C2orf92: variants seen among roughly 807,000 people sequenced by gnomAD.
C2orf92 encodes the protein chromosome 2 open reading frame 92.
At chr2:97,698,198 C>T (rs1289037230) in intron 5 of C2orf92, 1 of 152,218 alleles carries the variant, frequency 6.6e-6, no homozygotes, top group African/African-American at 2.4e-5. Context: ...CCCTGGAGCG[C>T]CTACCCATTG....
intron 5 of C2orf92, chr2:97,694,409 C>T (rs112704952): frequency 0.014 from 2,065 of 148,188 alleles, 14 homozygotes; most frequent in Non-Finnish European, 0.021. Flanking sequence ...CCACCACGCC[C>T]GGCTAATTTT....
intron 7 of C2orf92, chr2:97,702,064 C>CA (rs1163247456): frequency 6.6e-6 from 1 of 152,312 alleles, no homozygotes; most frequent in Non-Finnish European, 1.5e-5. Flanking sequence ...TCCCCAGGGA[C>CA]ATGTATTCCT....
chr2:97,668,078 G>C (rs1037359114), upstream of C2orf92: 5 of 152,308 alleles, frequency 3.3e-5, no homozygotes, highest in South Asian at 1.0e-3. Flanking sequence ...GCCCGGGTTA[G>C]CATTTATTTT....
At chr2:97,671,756 A>C (rs1675419715) in intron 1 of C2orf92, 3 of 344,456 alleles carry the variant, frequency 8.7e-6, no homozygotes, top group South Asian at 1.5e-4. Context: ...ATGCCACCTC[A>C]CACTAGCTGT....
chr2:97,665,624 A>C (rs536655039), upstream of C2orf92, among the ~76,000 whole-genome samples: 23 of 150,930 alleles, frequency 1.5e-4, no homozygotes, highest in Admixed American at 2.6e-4. Context: ...AGCATAACAA[A>C]ATTTAGTGCT....
chr2:97,685,707 T>C (rs539637375), intron 3 of C2orf92, among the ~76,000 whole-genome samples: 1 of 152,224 alleles, frequency 6.6e-6, no homozygotes, highest in Admixed American at 6.5e-5. Flanking sequence ...GGATTATAGA[T>C]GCCTACCACC....
chr2:97,685,768 G>A (rs1219600193), intron 3 of C2orf92, among the ~76,000 whole-genome samples: 1 of 151,558 alleles, frequency 6.6e-6, no homozygotes. Flanking sequence ...TTGCCATGTG[G>A]GCCGGGCTGG....
intron 5 of C2orf92, among the ~76,000 whole-genome samples, chr2:97,695,357 A>G (rs1676274995): frequency 6.6e-6 from 1 of 152,196 alleles, no homozygotes; most frequent in Non-Finnish European, 1.5e-5. Flanking sequence ...ATAAGGCTCT[A>G]ACTTTATTCT....
chr2:97,697,368 C>T (rs1316129103), intron 5 of C2orf92: 2 of 152,210 alleles, frequency 1.3e-5, no homozygotes, highest in African/African-American at 2.4e-5. Flanking sequence ...TAGGCAGTGG[C>T]TCTTGCCTCT....
At chr2:97,670,074 C>T (rs1204503232) in intron 1 of C2orf92, 2 of 365,736 alleles carry the variant, frequency 5.5e-6, no homozygotes, top group Non-Finnish European at 9.7e-6. Context: ...GGCATACATG[C>T]GTATTTTAAC....
chr2:97,700,285 G>A (rs1426939728), intron 6 of C2orf92, among the ~76,000 whole-genome samples: 1 of 152,168 alleles, frequency 6.6e-6, no homozygotes, highest in Non-Finnish European at 1.5e-5. Context: ...CCTCGTGCTG[G>A]TGCAGACATG....
chr2:97,698,977 A>G, intron 5 of C2orf92, 49 bp from the exon 6 acceptor site: 1 of 398,074 alleles, frequency 2.5e-6, no homozygotes. Context: ...ACGCTGAACT[A>G]ATCACATGCC....
upstream of C2orf92, chr2:97,669,321 A>C (rs1434671077): frequency 6.6e-6 from 1 of 152,276 alleles, no homozygotes; most frequent in African/African-American, 2.4e-5. Context: ...GCTGGTCTGG[A>C]ACTCCTGACC....
intron 5 of C2orf92, 70 bp from the exon 6 acceptor site, chr2:97,698,956 T>C: frequency 5.0e-6 from 2 of 397,284 alleles, no homozygotes; most frequent in Non-Finnish European, 8.9e-6. Context: ...AAGAAGCTAC[T>C]TTTATCATAA....
chr2:97,700,958 C>A (rs1034422356), intron 6 of C2orf92, among the ~76,000 whole-genome samples, 196 bp from the exon 7 acceptor site: 7 of 152,132 alleles, frequency 4.6e-5, no homozygotes, highest in African/African-American at 1.7e-4. Flanking sequence ...GTCTCGATCT[C>A]CTGACCTCGT....
intron 3 of C2orf92, among the ~76,000 whole-genome samples, chr2:97,682,511 A>G (rs1436422675): frequency 1.3e-5 from 2 of 152,230 alleles, no homozygotes; most frequent in Non-Finnish European, 2.9e-5. Context: ...AAGTCACTAC[A>G]AGAAGACTAA....
At chr2:97,688,733 G>A (rs936448724) in intron 3 of C2orf92, among the ~76,000 whole-genome samples, 162 bp from the exon 4 acceptor site, 3 of 152,202 alleles carry the variant, frequency 2.0e-5, no homozygotes, top group African/African-American at 4.8e-5. Context: ...GGTAATTGGA[G>A]TTTTCCTTCC....
intron 3 of C2orf92, among the ~76,000 whole-genome samples, chr2:97,680,685 AG>A (rs1245855510): frequency 1.3e-5 from 2 of 152,056 alleles, no homozygotes; most frequent in South Asian, 4.2e-4. Flanking sequence ...CCAGCACTTT[AG>A]GAGGCCGAGG....
exon 1 of C2orf92, chr2:97,664,412 TC>T (rs1445520442): frequency 6.6e-6 from 1 of 152,102 alleles, no homozygotes; most frequent in Non-Finnish European, 1.5e-5. Flanking sequence ...GAGAGCGCCC[TC>T]TCCAAGGAGG....
Sources: allele counts gnomAD v4.1 joint callset (sites outside exome capture counted in the v4.1 genomes callset), GRCh38; gene constraint gnomAD v4.1.1; transcripts MANE v1.5; gene names NCBI Gene and HGNC (gene_info 2026-07-23, HGNC 2026-07-21).